The following PLEKHG4B variants were observed in gnomAD, a reference collection of about 807,000 sequenced individuals.
PLEKHG4B encodes the protein pleckstrin homology domain-containing family G member 4B.
In PLEKHG4B, 111 loss-of-function variants were observed where a neutral mutation model predicts 121.3. The ratio of observed to expected loss-of-function variants is 0.92; its 90% confidence interval spans 0.78 to 1.07. PLEKHG4B has a LOEUF of 1.07. PLEKHG4B is among the 50% of genes least tolerant of loss of function. PLEKHG4B has a pLI of 0.00. For missense variants in PLEKHG4B, 1,831 were observed against 1,757.8 expected (o/e 1.04, Z -0.74); for synonymous variants, 738 against 725.0 (o/e 1.02, Z -0.29).
At chr5:108,795 A>G (rs1030653425) in intron 1 of PLEKHG4B, among the ~76,000 whole-genome samples, 2 of 151,864 alleles carry the variant, frequency 1.3e-5, no homozygotes, top group Admixed American at 1.3e-4. Context: ...TGGCTGGTGT[A>G]GACAGACCGA....
In PLEKHG4B at chr5:171,232, G is replaced by A. The variant is rs1736539359; in HGVS notation, c.3838G>A (p.Gly1280Ser). ...CTTGCAGGACAAGCAGCGGGAGCTA[G>A]GTGACAAAATGGACCTGGCCTCCTA... ...AFFKDKQREL[G>S]DKMDLASYLL... The change falls in exon 16 of 20, where the codon GGT (glycine) becomes AGT (serine). Residue 1280 changes from glycine to serine, a missense_variant. Physicochemically the swap from Gly to Ser is moderately conservative, Grantham distance 56. Transcript: ENST00000637938. The A allele has an allele frequency of 6.2e-7, 1 of 1,606,258 alleles. No homozygotes were observed. The highest frequency in any genetic ancestry group is 1.3e-5 in the African/African-American group (1 of 74,820).
At position 135,683 on chromosome 5, in the gene PLEKHG4B, ATATATATATATATATATATATATATAT is replaced by A. The variant is rs1281425751; in HGVS notation, c.244-3799_244-3773del. On this transcript the variant is annotated intron_variant, in intron 2 of 19. Transcript: ENST00000637938. Reference sequence around the variant, plus strand: ...TCCATCTCAAAAAAAAAAAAAAAAAATATATATATATATATATATATATATATATATATATATATATATATGTATGTC... The same window carrying A: ...TCCATCTCAAAAAAAAAAAAAAAAAAATATATATATATATATATGTATGTC... 9.3e-4 allele frequency among the ~76,000 whole-genome samples: 15 copies of A among 16,122 alleles called. 1 individual carries two copies. Among genetic ancestry groups the A allele is most frequent in the South Asian group, 2.5e-3 (1 of 402 alleles). 10.6% of individuals were successfully genotyped at this position (16,122 alleles called of 152,430 possible).
At chr5:162,675 G>A in intron 12 of PLEKHG4B, 47 bp from the exon 13 acceptor site, 3 of 1,299,486 alleles carry the variant, frequency 2.3e-6, no homozygotes, top group Non-Finnish European at 3.0e-6. Context: ...TGGCTCCAGG[G>A]CAGCCCCTCC....
At chr5:116,341 T>C (rs1483906342) in intron 2 of PLEKHG4B, among the ~76,000 whole-genome samples, 3 of 152,182 alleles carry the variant, frequency 2.0e-5, no homozygotes, top group African/African-American at 4.8e-5. Context: ...ATCAAAGGAC[T>C]CTGATTATAG....
intron 13 of PLEKHG4B, among the ~76,000 whole-genome samples, chr5:164,078 C>G (rs12514037): frequency 6.6e-6 from 1 of 152,098 alleles, no homozygotes; most frequent in African/African-American, 2.4e-5. Context: ...CCATCTTCCA[C>G]CCATGTGGTA....
At chr5:102,381 A>G (rs1332024925) in intron 1 of PLEKHG4B, among the ~76,000 whole-genome samples, 1 of 152,198 alleles carries the variant, frequency 6.6e-6, no homozygotes, top group Non-Finnish European at 1.5e-5. Context: ...GAATGCTATA[A>G]ATAGAATGAT....
chr5:166,885 T>C (rs1006550237), intron 13 of PLEKHG4B, among the ~76,000 whole-genome samples: 11 of 152,228 alleles, frequency 7.2e-5, no homozygotes, highest in African/African-American at 2.4e-4. Flanking sequence ...GTTTTTACCA[T>C]TGGTGTGAGT....
At chr5:111,978 C>G (rs1323618336) in intron 1 of PLEKHG4B, among the ~76,000 whole-genome samples, 1 of 151,322 alleles carries the variant, frequency 6.6e-6, no homozygotes, top group Non-Finnish European at 1.5e-5. Flanking sequence ...GACGGGCCCA[C>G]TCATTCTCAT....
intron 16 of PLEKHG4B, 86 bp from the exon 17 acceptor site, chr5:172,811 T>G (rs1736608504): frequency 6.8e-7 from 1 of 1,460,328 alleles, no homozygotes; most frequent in Non-Finnish European, 9.5e-7. Context: ...GTCACGAAGC[T>G]AACACATTTA....
At chr5:143,524 G>A (rs374839541) in intron 5 of PLEKHG4B, 21 bp downstream of exon 5, 145 of 1,611,476 alleles carry the variant, frequency 9.0e-5, no homozygotes, top group Middle Eastern at 1.6e-4. Flanking sequence ...GGGCAAGGCC[G>A]CACCCTGCAG....
Position 189,666 on chromosome 5 carries a change from A to C in PLEKHG4B, c.*7343A>C, listed in dbSNP as rs1194472749. ...GTGGTCCTGCTGGAATGGGAACCCC[A>C]AGAGGACCACCCCTCTCTAAAAGAA... On this transcript the variant is annotated 3_prime_UTR_variant, in exon 20 of 20. Transcript: ENST00000637938. The C allele has an allele frequency of 6.6e-6, 1 of 151,966 alleles. No individual in the cohort carries two copies. The highest frequency in any genetic ancestry group is 1.5e-5 in the Non-Finnish European group (1 of 68,058). 9.4% of individuals were successfully genotyped at this position (151,966 alleles called of 1,614,324 possible). A position where few individuals can be genotyped will look rare whatever the true frequency, so the allele number is the denominator to read the frequency against.
At chr5:99,828 T>G (rs896634462) in intron 1 of PLEKHG4B, among the ~76,000 whole-genome samples, 15 of 152,052 alleles carry the variant, frequency 9.9e-5, no homozygotes, top group African/African-American at 3.6e-4. Flanking sequence ...AAACTTTGAG[T>G]TTTTCACCAT....
At chr5:161,733 T>C (rs749731689) in intron 11 of PLEKHG4B, 50 bp from the exon 12 acceptor site, 1 of 1,612,268 alleles carries the variant, frequency 6.2e-7, no homozygotes, top group Non-Finnish European at 8.5e-7. Context: ...CCTGGAGACA[T>C]GAACGTGGAA....
chr5:149,173 G>T (rs1735524421), intron 6 of PLEKHG4B, among the ~76,000 whole-genome samples: 1 of 152,150 alleles, frequency 6.6e-6, no homozygotes, highest in African/African-American at 2.4e-5. Flanking sequence ...TGATTTATTA[G>T]ATATAATATC....
At chr5:109,598 G>A (rs767468991) in intron 1 of PLEKHG4B, among the ~76,000 whole-genome samples, 6 of 152,188 alleles carry the variant, frequency 3.9e-5, no homozygotes, top group Admixed American at 2.0e-4. Flanking sequence ...CCCTGTGGGC[G>A]TGGAGCTGCG....
At position 137,049 on chromosome 5, in the gene PLEKHG4B, G is replaced by GT. The variant is rs1369132897; in HGVS notation, c.244-2433dup. Among the ~76,000 whole-genome samples, 1 of 152,196 alleles carries GT rather than the reference G, an allele frequency of 6.6e-6. No homozygotes were observed. Among genetic ancestry groups the GT allele is most frequent in the Non-Finnish European group, 1.5e-5 (1 of 68,038 alleles). On this transcript the variant is annotated intron_variant, in intron 2 of 19. Coordinates refer to ENST00000637938, the MANE Select transcript of PLEKHG4B (RefSeq NM_052909.5). The surrounding 1 kb of genome is among the most constrained non-coding windows in gnomAD (Gnocchi z 4.2). The stretch of plus-strand genomic sequence containing the variant: ...ATGGATGAATGGATAGCAAAATATA[G>GT]TATGTACACGCAATGGAAGATTATG...
At chr5:114,542 C>T (rs567074332) in intron 2 of PLEKHG4B, among the ~76,000 whole-genome samples, 1 of 152,226 alleles carries the variant, frequency 6.6e-6, no homozygotes, top group South Asian at 2.1e-4. Context: ...ACTGCGACCT[C>T]CGCCACCCAG....
In PLEKHG4B at chr5:174,039, A is replaced by G. The variant is rs1736666779; in HGVS notation, c.4343A>G (p.Lys1448Arg). ...YILQASSAEV[K>R]SAWTDVIGRI... is the part of the protein sequence containing the mutation. Reference sequence around the variant, plus strand: ...CTCCAAGCAAGCTCGGCAGAGGTCAAGAGTGCATGGACCGATGTCATAGGG... The same window carrying G: ...CTCCAAGCAAGCTCGGCAGAGGTCAGGAGTGCATGGACCGATGTCATAGGG... Residue 1448 changes from lysine (K) to arginine (R), a missense_variant, in exon 18 of 20, where the codon AAG becomes AGG. Coordinates refer to ENST00000637938, the MANE Select transcript of PLEKHG4B (RefSeq NM_052909.5). The G allele has an allele frequency of 6.2e-7, 1 of 1,604,386 alleles. No individual in the cohort carries two copies. Among genetic ancestry groups the G allele is most frequent in the Non-Finnish European group, 8.5e-7 (1 of 1,176,046 alleles).
Position 92,176 on chromosome 5 carries a change from G to C in PLEKHG4B, c.-56G>C, listed in dbSNP as rs1344508905. On this transcript the variant is annotated 5_prime_UTR_variant, in exon 1 of 20. Transcript: ENST00000637938. The stretch of plus-strand genomic sequence containing the variant: ...GAAGGCGGCCTCGGCCCAGTGCACA[G>C]CGGGACCAGGCAGAGTTCGGGGAAA... 8.1e-6 allele frequency: 3 copies of C among 371,136 alleles called. No homozygotes were observed. Among genetic ancestry groups the C allele is most frequent in the Non-Finnish European group, 1.4e-5 (3 of 208,838 alleles). The allele number at this position is 371,136 out of a possible 1,614,324, so 23.0% of individuals were successfully genotyped here.
Sources: gnomAD v4.1 joint callset for allele counts (sites outside exome capture counted in the v4.1 genomes callset) on GRCh38, gnomAD v4.1.1 for gene constraint, Gnocchi (gnomAD v3.1) non-coding constraint, MANE v1.5 for transcripts, NCBI Gene and HGNC (gene_info 2026-07-23, HGNC 2026-07-21) for gene names.